DCC: variants seen among roughly 807,000 people sequenced by gnomAD.
DCC encodes the protein netrin receptor DCC.
A neutral mutation model predicts 172.5 loss-of-function variants in DCC; 58 were observed. The observed-to-expected ratio is 0.34, with a 90% CI of 0.27 to 0.42. The LOEUF (loss-of-function observed/expected upper bound fraction) is 0.42, where lower values mean the gene tolerates loss of function less well. DCC is among the 10% of genes least tolerant of loss of function. The pLI is 1.00. For missense variants in DCC, 1,740 were observed against 1,791.0 expected (o/e 0.97, Z 0.51); for synonymous variants, 709 against 644.5 (o/e 1.10, Z -1.52).
At chr18:52,353,951 G>C (rs1984245082) in intron 1 of DCC, among the ~76,000 whole-genome samples, 1 of 152,172 alleles carries the variant, frequency 6.6e-6, no homozygotes, top group African/African-American at 2.4e-5. Context: ...GGGATGAACT[G>C]CCTCTCAGCG....
At chr18:53,424,288 A>G (rs1310957208) in intron 21 of DCC, among the ~76,000 whole-genome samples, 1 of 152,216 alleles carries the variant, frequency 6.6e-6, no homozygotes, top group Non-Finnish European at 1.5e-5. Flanking sequence ...AATTGTGGCT[A>G]TGAAGTATGA....
rs191478819 is a variant in DCC at position 53,486,670 on chromosome 18, G to T, written c.3737-127G>T. ...GGGATTGGTGGAGAGAGGTAAGTAAGGGAACCTAGTTGATACTATGAAGAG... is the reference window on the plus strand; with the variant it reads ...GGGATTGGTGGAGAGAGGTAAGTAATGGAACCTAGTTGATACTATGAAGAG... On this transcript the variant is annotated intron_variant, in intron 25 of 28. Transcript: ENST00000442544. 3.9e-6 allele frequency: 5 copies of T among 1,265,936 alleles called. No individual in the cohort carries two copies. The East Asian group carries it at 1.2e-4, about 31-fold the overall frequency. 78.4% of individuals were successfully genotyped at this position (1,265,936 alleles called of 1,614,324 possible).
intron 7 of DCC, among the ~76,000 whole-genome samples, chr18:53,087,420 A>C (rs1489577965): frequency 6.6e-6 from 1 of 151,580 alleles, no homozygotes; most frequent in African/African-American, 2.4e-5. Flanking sequence ...GTGTCTGTTC[A>C]TGTCCTTCGC....
At chr18:53,080,067 G>T (rs2042778511) in intron 7 of DCC, among the ~76,000 whole-genome samples, 2 of 152,170 alleles carry the variant, frequency 1.3e-5, no homozygotes, top group South Asian at 4.1e-4. Flanking sequence ...TAGAAAGAGG[G>T]ACTAGAAATA....
At chr18:52,674,339 A>G (rs1162569611) in intron 1 of DCC, among the ~76,000 whole-genome samples, 1 of 152,094 alleles carries the variant, frequency 6.6e-6, no homozygotes, top group Non-Finnish European at 1.5e-5. Context: ...GAGAACAATG[A>G]TGTTCCAGCT....
At chr18:53,005,760 T>A (rs186608451) in intron 5 of DCC, among the ~76,000 whole-genome samples, 102 of 152,278 alleles carry the variant, frequency 6.7e-4, no homozygotes, top group African/African-American at 2.3e-3. Flanking sequence ...AATCTTTACT[T>A]AATGTGTGTT....
At chr18:53,104,378 T>A in intron 7 of DCC, among the ~76,000 whole-genome samples, 1 of 151,966 alleles carries the variant, frequency 6.6e-6, no homozygotes, top group East Asian at 1.9e-4. Flanking sequence ...TCTCACAAGA[T>A]CTGATGGTTT....
intron 12 of DCC, among the ~76,000 whole-genome samples, chr18:53,217,184 G>T (rs1219319287): frequency 6.6e-6 from 1 of 151,472 alleles, no homozygotes; most frequent in Non-Finnish European, 1.5e-5. Flanking sequence ...AATGACCCTG[G>T]ATGCTAACTG....
intron 18 of DCC, among the ~76,000 whole-genome samples, chr18:53,398,879 G>C (rs573746465): frequency 1.3e-5 from 2 of 152,252 alleles, no homozygotes; most frequent in African/African-American, 4.8e-5. Flanking sequence ...CCTGAGTGAT[G>C]ATGAGAAGTA....
intron 1 of DCC, among the ~76,000 whole-genome samples, chr18:52,688,401 C>G (rs745724210): frequency 3.4e-4 from 51 of 152,184 alleles, no homozygotes; most frequent in Middle Eastern, 3.4e-3. Context: ...TAGAATTTGA[C>G]TTACCCAGGT....
At chr18:52,516,330 G>T (rs1049329802) in intron 1 of DCC, among the ~76,000 whole-genome samples, 1 of 152,144 alleles carries the variant, frequency 6.6e-6, no homozygotes, top group African/African-American at 2.4e-5. Context: ...CTTTAAATAG[G>T]CTATGTGTTG....
At chr18:52,572,740 G>A (rs1269694752) in intron 1 of DCC, among the ~76,000 whole-genome samples, 1 of 152,204 alleles carries the variant, frequency 6.6e-6, no homozygotes, top group Non-Finnish European at 1.5e-5. Context: ...AGGTCAACGG[G>A]AAGAACAGGC....
In DCC at chr18:52,589,824, A is replaced by T. The variant is rs78936553; in HGVS notation, c.92-162230A>T. ...TTAAAGCAAGTTGACTCGCACAATTATATTGCTGGTAGAGCCAACATAGAT... is the reference window on the plus strand; with the variant it reads ...TTAAAGCAAGTTGACTCGCACAATTTTATTGCTGGTAGAGCCAACATAGAT... On this transcript the variant is annotated intron_variant, in intron 1 of 28. Coordinates refer to ENST00000442544, the MANE Select transcript of DCC (RefSeq NM_005215.4). Among the ~76,000 whole-genome samples the T allele has an allele frequency of 3.1e-3, 471 of 152,320 alleles. 5 individuals carry two copies. Among genetic ancestry groups the T allele is most frequent in the East Asian group, 0.029 (151 of 5,186 alleles).
chr18:52,941,507 T>C (rs905399657), intron 5 of DCC, among the ~76,000 whole-genome samples: 4 of 151,928 alleles, frequency 2.6e-5, no homozygotes, highest in Admixed American at 1.3e-4. Context: ...TGTGTGTATA[T>C]ATATATATAC....
intron 5 of DCC, among the ~76,000 whole-genome samples, chr18:52,930,973 GAT>G (rs764572506): frequency 1.9e-4 from 29 of 151,890 alleles, no homozygotes; most frequent in Admixed American, 5.3e-4. Flanking sequence ...AAAAAATAGT[GAT>G]ATGTTTATAT....
chr18:52,732,717 T>C (rs1304571285), intron 1 of DCC, among the ~76,000 whole-genome samples: 1 of 152,202 alleles, frequency 6.6e-6, no homozygotes, highest in East Asian at 1.9e-4. Context: ...TACTTATTCT[T>C]TGGGCAAATT....
At chr18:52,729,090 A>C (rs1463087047) in intron 1 of DCC, among the ~76,000 whole-genome samples, 1 of 152,190 alleles carries the variant, frequency 6.6e-6, no homozygotes, top group Non-Finnish European at 1.5e-5. Flanking sequence ...TTTGAATGAA[A>C]CTGTTATAAG....
intron 2 of DCC, among the ~76,000 whole-genome samples, chr18:52,823,755 G>A (rs1424047874): frequency 6.6e-6 from 1 of 152,166 alleles, no homozygotes; most frequent in African/African-American, 2.4e-5. Flanking sequence ...TAATAAGAAT[G>A]AGCCCAACAA....
intron 3 of DCC, among the ~76,000 whole-genome samples, chr18:52,906,837 T>C (rs370667740): frequency 9.5e-6 from 1 of 104,742 alleles, no homozygotes; most frequent in South Asian, 3.9e-4. Context: ...TTATCTACTT[T>C]GTTTATTTTA....
Sources: allele counts gnomAD v4.1 joint callset (sites outside exome capture counted in the v4.1 genomes callset), GRCh38; gene constraint gnomAD v4.1.1; transcripts MANE v1.5; gene names NCBI Gene and HGNC (gene_info 2026-07-23, HGNC 2026-07-21).